FHIT: variants seen among roughly 807,000 people sequenced by gnomAD.
The protein encoded by FHIT is bis(5'-adenosyl)-triphosphatase.
Under a neutral mutation model 17.9 loss-of-function variants are expected in FHIT, and 19 were observed. The ratio of observed to expected loss-of-function variants is 1.06; its 90% CI spans 0.74 to 1.56. The LOEUF is 1.56. Ranked by LOEUF, FHIT falls within the 40% of genes most tolerant of loss-of-function variation. FHIT has a pLI of 0.00. For missense variants in FHIT, 248 were observed against 189.2 expected, an observed-to-expected ratio of 1.31 and a Z score of -1.82; for synonymous variants, 81 against 69.7, an observed-to-expected ratio of 1.16 and a Z score of -0.81.
intron 7 of FHIT, among the ~76,000 whole-genome samples, chr3:59,971,084 A>G (rs1708158112): frequency 6.6e-6 from 1 of 151,964 alleles, no homozygotes; most frequent in Non-Finnish European, 1.5e-5. Flanking sequence ...ATTAGGACAA[A>G]ATTTTTTTCT....
chr3:60,818,934 T>A (rs1203193380), intron 4 of FHIT, among the ~76,000 whole-genome samples: 1 of 152,194 alleles, frequency 6.6e-6, no homozygotes, highest in African/African-American at 2.4e-5. Context: ...TGGACCGATC[T>A]GTGCTTCCAA....
chr3:60,695,126 G>T (rs1320915422), intron 4 of FHIT, among the ~76,000 whole-genome samples: 9 of 152,128 alleles, frequency 5.9e-5, no homozygotes, highest in African/African-American at 1.7e-4. Flanking sequence ...CGGGTGCTGT[G>T]GCTCACTCTT....
chr3:61,188,667 G>C (rs1183391070), intron 2 of FHIT, among the ~76,000 whole-genome samples: 2 of 152,014 alleles, frequency 1.3e-5, no homozygotes, highest in African/African-American at 2.4e-5. Flanking sequence ...GATGAACATT[G>C]ATGCAAAAAT....
intron 7 of FHIT, among the ~76,000 whole-genome samples, chr3:59,981,634 C>A (rs1304735130): frequency 1.3e-5 from 2 of 152,118 alleles, no homozygotes; most frequent in Admixed American, 6.6e-5. Flanking sequence ...AAAGAACATA[C>A]CACGGTGCCC....
intron 2 of FHIT, among the ~76,000 whole-genome samples, chr3:61,071,168 A>T (rs1394801668): frequency 6.6e-6 from 1 of 152,174 alleles, no homozygotes; most frequent in African/African-American, 2.4e-5. Flanking sequence ...TATAAGCAAT[A>T]ATTTATCTGT....
chr3:60,920,451 T>A (rs1174664058), intron 3 of FHIT, among the ~76,000 whole-genome samples: 1 of 152,100 alleles, frequency 6.6e-6, no homozygotes, highest in Non-Finnish European at 1.5e-5. Context: ...ATAGTCTAGA[T>A]CGGTAGAGGC....
chr3:59,890,864 C>A (rs531358742), intron 8 of FHIT, among the ~76,000 whole-genome samples: 1 of 152,210 alleles, frequency 6.6e-6, no homozygotes, highest in East Asian at 1.9e-4. Context: ...ATGTTACTTG[C>A]CATAGAATTT....
chr3:60,786,197 T>C lies in FHIT; in HGVS notation c.-18+35722A>G, dbSNP rs181972277. On this transcript the variant is annotated intron_variant, in intron 4 of 9. Coordinates refer to ENST00000492590, the MANE Select transcript of FHIT (RefSeq NM_002012.4). ...TCCTAACAACTTGAACTTAGCCAAG[T>C]TGCTTAACTACTTGGTGCCTAAATG... Among the ~76,000 whole-genome samples the C allele has an allele frequency of 3.7e-3, 564 of 152,316 alleles. 5 individuals carry two copies. The highest frequency in any genetic ancestry group is 0.012 in the African/African-American group (514 of 41,558).
At chr3:60,388,166 A>G (rs1187604241) in intron 5 of FHIT, among the ~76,000 whole-genome samples, 1 of 152,176 alleles carries the variant, frequency 6.6e-6, no homozygotes, top group Non-Finnish European at 1.5e-5. Context: ...TTTACAGCAC[A>G]CAAATGGACT....
intron 4 of FHIT, among the ~76,000 whole-genome samples, chr3:60,587,366 G>A (rs1553662501): frequency 6.6e-6 from 1 of 151,992 alleles, no homozygotes; most frequent in Non-Finnish European, 1.5e-5. Context: ...TGGGGAGCAA[G>A]GGAAGAGAGA....
At chr3:59,793,567 C>G (rs796765663) in intron 8 of FHIT, among the ~76,000 whole-genome samples, 3 of 152,312 alleles carry the variant, frequency 2.0e-5, no homozygotes, top group African/African-American at 7.2e-5. Flanking sequence ...CCCTCTTCCC[C>G]TCTCGCACTG....
intron 5 of FHIT, among the ~76,000 whole-genome samples, chr3:60,037,533 C>T (rs912632771): frequency 2.6e-5 from 4 of 151,734 alleles, no homozygotes; most frequent in Non-Finnish European, 4.4e-5. Context: ...CAGGCACGCA[C>T]CACCGCACTG....
intron 5 of FHIT, among the ~76,000 whole-genome samples, chr3:60,215,193 T>C (rs889320058): frequency 2.6e-5 from 4 of 152,086 alleles, no homozygotes; most frequent in South Asian, 2.1e-4. Flanking sequence ...AAGTAATTCA[T>C]TCAATTAAAA....
intron 5 of FHIT, among the ~76,000 whole-genome samples, chr3:60,082,422 G>A (rs79597745): frequency 0.027 from 4,073 of 152,146 alleles, 83 homozygotes; most frequent in Non-Finnish European, 0.04. Flanking sequence ...TGTAAATAGT[G>A]CTACAATAAA....
At chr3:60,453,992 C>G (rs1209153344) in intron 5 of FHIT, among the ~76,000 whole-genome samples, 1 of 151,998 alleles carries the variant, frequency 6.6e-6, no homozygotes, top group African/African-American at 2.4e-5. Context: ...AAGCATTGTT[C>G]AAGAGAAGAT....
chr3:60,760,057 C>T (rs1699587471), intron 4 of FHIT, among the ~76,000 whole-genome samples: 1 of 151,034 alleles, frequency 6.6e-6, no homozygotes, highest in Admixed American at 6.6e-5. Context: ...ATCTCTTTCT[C>T]TTTCTTTCCA....
intron 5 of FHIT, among the ~76,000 whole-genome samples, chr3:60,376,395 CT>C (rs1700564256): frequency 6.6e-6 from 1 of 152,310 alleles, no homozygotes; most frequent in African/African-American, 2.4e-5. Context: ...AAGGTGTGAA[CT>C]TTCTGGAAAA....
chr3:59,935,398 T>C (rs1271158816), intron 7 of FHIT, among the ~76,000 whole-genome samples: 1 of 152,148 alleles, frequency 6.6e-6, no homozygotes, highest in Non-Finnish European at 1.5e-5. Flanking sequence ...TTAAAGAGCA[T>C]GCTCAAATGC....
chr3:60,976,502 T>C (rs980545906), intron 3 of FHIT, among the ~76,000 whole-genome samples: 2 of 152,082 alleles, frequency 1.3e-5, no homozygotes, highest in East Asian at 1.9e-4. Context: ...CGAAAAACCA[T>C]GTCTCTATAA....
Sources: allele counts gnomAD v4.1 joint callset (sites outside exome capture counted in the v4.1 genomes callset), GRCh38; gene constraint gnomAD v4.1.1; transcripts MANE v1.5; gene names NCBI Gene and HGNC (gene_info 2026-07-23, HGNC 2026-07-21).